UNC13C: variants seen among roughly 807,000 people sequenced by gnomAD.
UNC13C encodes unc-13 homolog C.
Under a neutral mutation model 245.4 loss-of-function variants are expected in UNC13C, and 174 were observed. The observed-to-expected ratio is 0.71, with a 90% CI of 0.63 to 0.80. The LOEUF (loss-of-function observed/expected upper bound fraction) is 0.80. Among genes scored for constraint, UNC13C ranks in the 30% least tolerant of loss-of-function variants. The probability of loss-of-function intolerance (pLI) is 0.00; values close to 1 mark genes in which losing one functional copy is unlikely to be tolerated. For synonymous variants in UNC13C, 992 were observed against 895.1 expected (o/e 1.11, Z -1.93); for missense variants, 2,829 against 2,602.9 (o/e 1.09, Z -1.89).
chr15:54,365,172 T>C (rs1005578391), intron 17 of UNC13C, among the ~76,000 whole-genome samples: 1 of 152,146 alleles, frequency 6.6e-6, no homozygotes, highest in African/African-American at 2.4e-5. Flanking sequence ...CTGCGTCCTT[T>C]CTGTTCCTGA....
At chr15:54,000,756 T>C (rs1440595481) in intron 1 of UNC13C, among the ~76,000 whole-genome samples, 1 of 152,142 alleles carries the variant, frequency 6.6e-6, no homozygotes, top group East Asian at 1.9e-4. Context: ...AAAGAATACT[T>C]TGTGAACAGA....
intron 2 of UNC13C, among the ~76,000 whole-genome samples, chr15:54,112,618 A>G (rs2029897505): frequency 6.6e-6 from 1 of 151,966 alleles, no homozygotes; most frequent in South Asian, 2.1e-4. Context: ...GCCGACATTC[A>G]CTCGTGCAAG....
intron 4 of UNC13C, among the ~76,000 whole-genome samples, chr15:54,154,650 G>A (rs774332710): frequency 2.0e-4 from 31 of 152,134 alleles, no homozygotes; most frequent in South Asian, 4.1e-4. Context: ...GCAACATATA[G>A]ATATGAGGAG....
chr15:53,939,463 GGC>G, the UNC13C span, among the ~76,000 whole-genome samples: 5 of 152,082 alleles, frequency 3.3e-5, no homozygotes, highest in Non-Finnish European at 7.4e-5. Flanking sequence ...TTGAAAACAA[GGC>G]ACTCCTCCCT....
intron 19 of UNC13C, among the ~76,000 whole-genome samples, chr15:54,429,693 A>G (rs1316519326): frequency 6.6e-6 from 1 of 151,604 alleles, no homozygotes; most frequent in African/African-American, 2.4e-5. Context: ...AGATTTTATC[A>G]TTTACTAATT....
the UNC13C span, among the ~76,000 whole-genome samples, chr15:53,972,164 A>T: frequency 6.6e-6 from 1 of 152,348 alleles, no homozygotes; most frequent in Non-Finnish European, 1.5e-5. Flanking sequence ...AACGGCAAAG[A>T]CCTGGACAGT....
chr15:53,883,357 C>T, the UNC13C span, among the ~76,000 whole-genome samples: 272 of 152,278 alleles, frequency 1.8e-3, 1 homozygote, highest in Non-Finnish European at 3.2e-3. Flanking sequence ...AATATTTCCT[C>T]TTGGTATCAG....
chr15:54,404,680 CA>C (rs1226516338), intron 18 of UNC13C, among the ~76,000 whole-genome samples: 4 of 151,964 alleles, frequency 2.6e-5, no homozygotes, highest in African/African-American at 4.8e-5. Flanking sequence ...TTTAATGTAC[CA>C]TATTTATGTG....
intron 30 of UNC13C, among the ~76,000 whole-genome samples, chr15:54,604,054 T>C (rs1377282497): frequency 6.6e-6 from 1 of 152,160 alleles, no homozygotes; most frequent in Admixed American, 6.6e-5. Flanking sequence ...TTCCAGGCCT[T>C]GATCTGCCTC....
chr15:53,950,652 A>G, the UNC13C span, among the ~76,000 whole-genome samples: 1 of 152,240 alleles, frequency 6.6e-6, no homozygotes, highest in South Asian at 2.1e-4. Flanking sequence ...CCACACTGTA[A>G]GACATGGAAT....
At chr15:54,607,054 C>T (rs571869494) in intron 30 of UNC13C, among the ~76,000 whole-genome samples, 84 of 152,210 alleles carry the variant, frequency 5.5e-4, no homozygotes, top group Admixed American at 1.4e-3. Context: ...TTGGCATTTT[C>T]ATCAGCTTCA....
At chr15:54,207,130 GTGATGATGA>G (rs11458939) in intron 4 of UNC13C, among the ~76,000 whole-genome samples, 1 of 150,492 alleles carries the variant, frequency 6.6e-6, no homozygotes, top group Non-Finnish European at 1.5e-5. Flanking sequence ...GATGATGATG[GTGATGATGA>G]TGATGATGAT....
Position 54,606,767 on chromosome 15 carries a change from C to T in UNC13C, c.6107-15560C>T, listed in dbSNP as rs192337369. Among the ~76,000 whole-genome samples the T allele has an allele frequency of 1.1e-4, 16 of 152,276 alleles. No individual in the cohort carries two copies. The East Asian group carries it at 2.9e-3, about 28-fold the overall frequency. On this transcript the variant is annotated intron_variant, in intron 30 of 32. Transcript: ENST00000260323. ...CAGTCTTGAGCATCTGACCCTACAG[C>T]CTGTGGTGTCAAACCCTCTGCTGTG... is the stretch of plus-strand genomic sequence containing the variant.
intron 4 of UNC13C, among the ~76,000 whole-genome samples, chr15:54,206,898 A>G (rs556838055): frequency 6.6e-6 from 1 of 152,066 alleles, no homozygotes; most frequent in South Asian, 2.1e-4. Context: ...AGATGTCTAT[A>G]ACTTTGGCTT....
chr15:54,546,797 C>A lies in UNC13C; in HGVS notation c.5772C>A (p.Leu1924=). The change falls in exon 27 of 33, where the codon CTC becomes CTA. Residue 1924 remains leucine (L), a synonymous_variant. Transcript: ENST00000260323. The part of the protein sequence containing the change: ...RVLKELWKLV[L]NKIEKQIVLP... ...TAAAAGAGTTATGGAAGCTAGTTCT[C>A]AACAAAATAGAAAAACAAATTGTTC... 6.4e-7 allele frequency: 1 copy of A among 1,572,492 alleles called. No individual in the cohort carries two copies. Among genetic ancestry groups the A allele is most frequent in the African/African-American group, 1.4e-5 (1 of 74,050 alleles).
At chr15:54,249,596 A>G (rs905283028) in intron 7 of UNC13C, among the ~76,000 whole-genome samples, 7 of 152,176 alleles carry the variant, frequency 4.6e-5, no homozygotes, top group Non-Finnish European at 1.0e-4. Context: ...TACTTGTTCA[A>G]TAGATTTTTT....
chr15:54,054,413 G>C (rs1433050275), intron 2 of UNC13C, among the ~76,000 whole-genome samples: 2 of 152,102 alleles, frequency 1.3e-5, no homozygotes, highest in East Asian at 3.9e-4. Context: ...CTATCTTAAG[G>C]CTGCCCTCGT....
chr15:53,873,863 C>CTCTG, the UNC13C span, among the ~76,000 whole-genome samples: 1 of 108,740 alleles, frequency 9.2e-6, no homozygotes, highest in East Asian at 2.7e-4. Context: ...CCCTCTCTCT[C>CTCTG]TCTCTTTCTT....
rs775449044 is a variant in UNC13C, at chr15:54,332,132, C to G, written c.4494+21C>G. On this transcript the variant is annotated intron_variant, in intron 15 of 32. Coordinates refer to ENST00000260323, the MANE Select transcript of UNC13C (RefSeq NM_001080534.3). ...ATAGGGTATGTACAAATTTACTTGC[C>G]TAAAAGAAAACTGTTGTTTGGTCTA... 21 of 1,487,654 alleles carry G rather than the reference C, an allele frequency of 1.4e-5. No individual in the cohort carries two copies. In the South Asian group the frequency reaches 2.1e-4, roughly 15 times the overall value. The allele number at this position is 1,487,654 out of a possible 1,614,324, so 92.2% of individuals were successfully genotyped here.
Sources: gnomAD v4.1 joint callset for allele counts (sites outside exome capture counted in the v4.1 genomes callset) on GRCh38, gnomAD v4.1.1 for gene constraint, MANE v1.5 for transcripts, NCBI Gene and HGNC (gene_info 2026-07-23, HGNC 2026-07-21) for gene names.